IGSF3: variants seen among roughly 807,000 people sequenced by gnomAD.
The protein encoded by IGSF3 is immunoglobulin superfamily member 3, also known as glu-Trp-Ile EWI motif-containing protein 3.
IGSF3 carries 23 observed loss-of-function variants against 114.4 expected under a neutral mutation model. The observed-to-expected ratio is 0.20, with a 90% confidence interval of 0.14 to 0.28. The LOEUF (loss-of-function observed/expected upper bound fraction) is 0.28. Ranked by LOEUF, IGSF3 falls within the 10% of genes least tolerant of loss-of-function variation. IGSF3 has a pLI of 1.00. For missense variants in IGSF3, 1,172 were observed against 1,591.5 expected (o/e 0.74, Z 4.48); for synonymous variants, 571 against 645.2 (o/e 0.88, Z 1.74).
At position 116,601,232 on chromosome 1, in the gene IGSF3, G is replaced by A. The variant is rs868298794; in HGVS notation, c.1625-887C>T. 8.5e-5 allele frequency among the ~76,000 whole-genome samples: 13 copies of A among 152,290 alleles called. 1 individual carries two copies. Among genetic ancestry groups the A allele is most frequent in the Middle Eastern group, 6.8e-3 (2 of 294 alleles). On this transcript the variant is annotated intron_variant, in intron 6 of 10. Coordinates refer to ENST00000369486, the MANE Select transcript of IGSF3 (RefSeq NM_001007237.3). ...GATGTAGAAACTGATGCAGAGAGAG[G>A]TTAGATAAATTGCCCAATATCAAGC... is the stretch of plus-strand genomic sequence containing the variant.
chr1:116,581,320 C>CTTTTTTTT (rs955415319), intron 9 of IGSF3, among the ~76,000 whole-genome samples: 3 of 70,590 alleles, frequency 4.2e-5, no homozygotes, highest in East Asian at 4.8e-4. Flanking sequence ...GTTTTGCTGT[C>CTTTTTTTT]TTTTTTTTTT....
At position 116,576,239 on chromosome 1, in the gene IGSF3, G is replaced by A. The variant is rs72697339; in HGVS notation, c.*1073C>T. On this transcript the variant is annotated 3_prime_UTR_variant, in exon 11 of 11. Coordinates refer to ENST00000369486, the MANE Select transcript of IGSF3 (RefSeq NM_001007237.3). The surrounding 1 kb of genome is among the most constrained non-coding windows in gnomAD (Gnocchi z 4.6). ...AGTGTCAGCCAGCCCCGTGCCCTCC[G>A]TCAGGTGTCTGCCATGGCTGCTTTG... is the stretch of plus-strand genomic sequence containing the variant. The A allele has an allele frequency of 7.6e-3, 1,125 of 147,172 alleles. 8 individuals are homozygous for A. Among genetic ancestry groups the A allele is most frequent in the Non-Finnish European group, 0.012 (794 of 66,778 alleles). The allele number at this position is 147,172 out of a possible 1,614,324, so 9.1% of individuals were successfully genotyped here.
rs12746917 is a variant in IGSF3 at position 116,625,588 on chromosome 1, G to A, written c.44-9131C>T. ...AAGGAAGAAGACGGATCAGATTTACGCTTTCGAATTATCACTCTGGTGGCA... is the reference window on the plus strand; with the variant it reads ...AAGGAAGAAGACGGATCAGATTTACACTTTCGAATTATCACTCTGGTGGCA... On this transcript the variant is annotated intron_variant, in intron 2 of 10. Coordinates refer to ENST00000369486, the MANE Select transcript of IGSF3 (RefSeq NM_001007237.3). This position sits in a 1 kb window ranked among gnomAD's most constrained non-coding sequence, Gnocchi z 4.7. Among the ~76,000 whole-genome samples, 3 of 152,218 alleles carry A rather than the reference G, an allele frequency of 2.0e-5. No homozygotes were observed. The highest frequency in any genetic ancestry group is 7.2e-5 in the African/African-American group (3 of 41,448).
chr1:116,653,493 T>C (rs1206416168), intron 2 of IGSF3, among the ~76,000 whole-genome samples: 3 of 152,140 alleles, frequency 2.0e-5, no homozygotes, highest in Non-Finnish European at 1.5e-5. Flanking sequence ...ATTCCAAATA[T>C]GGGAAATTAC....
In IGSF3 at chr1:116,624,096, C is replaced by A. The variant is rs555431992; in HGVS notation, c.44-7639G>T. Among the ~76,000 whole-genome samples the A allele has an allele frequency of 1.6e-3, 235 of 146,396 alleles. No homozygotes were observed. The highest frequency in any genetic ancestry group is 5.5e-3 in the African/African-American group (216 of 39,392). On this transcript the variant is annotated intron_variant, in intron 2 of 10. Transcript: ENST00000369486. This position sits in a 1 kb window ranked among gnomAD's most constrained non-coding sequence, Gnocchi z 4.9. Reference sequence around the variant, plus strand: ...AGAAAGACTCTATCTAAAAAAAAAACAAAAAAAAGGTCCCTGAGGATCCCT... The same window carrying A: ...AGAAAGACTCTATCTAAAAAAAAAAAAAAAAAAAGGTCCCTGAGGATCCCT...
At position 116,634,407 on chromosome 1, in the gene IGSF3, G is replaced by A. The variant is rs555805456; in HGVS notation, c.44-17950C>T. On this transcript the variant is annotated intron_variant, in intron 2 of 10. Transcript: ENST00000369486. This position sits in a 1 kb window ranked among gnomAD's most constrained non-coding sequence, Gnocchi z 4.2. The stretch of plus-strand genomic sequence containing the variant: ...CCCCACTTCTTTCCCATCCTCACTC[G>A]TTCACATCTGCCTTGGAGCACCCAC... 7.9e-5 allele frequency among the ~76,000 whole-genome samples: 12 copies of A among 151,890 alleles called. No individual in the cohort carries two copies. The highest frequency in any genetic ancestry group is 2.6e-4 in the Admixed American group (4 of 15,274).
intron 7 of IGSF3, among the ~76,000 whole-genome samples, chr1:116,591,280 C>T (rs149806099): frequency 6.6e-5 from 10 of 152,002 alleles, no homozygotes; most frequent in African/African-American, 2.2e-4. Flanking sequence ...CCCAATTCAC[C>T]GCATGCAAAT....
At chr1:116,660,625 A>G (rs1351262999) in intron 2 of IGSF3, among the ~76,000 whole-genome samples, 1 of 151,560 alleles carries the variant, frequency 6.6e-6, no homozygotes, top group Non-Finnish European at 1.5e-5. Flanking sequence ...TTACAGGCAC[A>G]CACCATCACG....
At chr1:116,667,102 C>A (rs1557891801) in intron 1 of IGSF3, 146 bp from the exon 2 acceptor site, 1 of 366,402 alleles carries the variant, frequency 2.7e-6, no homozygotes, top group Middle Eastern at 7.0e-4. Context: ...AAGTCTCTGT[C>A]TTTCCCTCCG....
chr1:116,641,267 G>T (rs1648084353), intron 2 of IGSF3, among the ~76,000 whole-genome samples: 1 of 152,118 alleles, frequency 6.6e-6, no homozygotes. Flanking sequence ...GAAGGCCATG[G>T]CAGAGGATCA....
In IGSF3 at chr1:116,593,314, A is replaced by C. The variant is rs1660200499; in HGVS notation, c.2030-4210T>G. On this transcript the variant is annotated intron_variant, in intron 7 of 10. Transcript: ENST00000369486. The surrounding 1 kb of genome is among the most constrained non-coding windows in gnomAD (Gnocchi z 4.5). ...CGTGCTGCTGAGGTGGTTGCCGGTA[A>C]GTCTGGAGAAGGTGGTTTCTGTGCA... is the stretch of plus-strand genomic sequence containing the variant. Among the ~76,000 whole-genome samples the C allele has an allele frequency of 6.6e-6, 1 of 152,238 alleles. No homozygotes were observed. Among genetic ancestry groups the C allele is most frequent in the African/African-American group, 2.4e-5 (1 of 41,458 alleles).
In IGSF3 at chr1:116,654,972, C is replaced by G. The variant is rs1180768833; in HGVS notation, c.43+11312G>C. ...GGCACCGGGCATTGGTAACTCATGG[C>G]TGTAAAGGAGAGCTGAGAACAAAAC... On this transcript the variant is annotated intron_variant, in intron 2 of 10. Transcript: ENST00000369486. This position sits in a 1 kb window ranked among gnomAD's most constrained non-coding sequence, Gnocchi z 4.4. 6.6e-6 allele frequency among the ~76,000 whole-genome samples: 1 copy of G among 151,960 alleles called. No homozygotes were observed. Among genetic ancestry groups the G allele is most frequent in the African/African-American group, 2.4e-5 (1 of 41,354 alleles).
At chr1:116,601,471 T>C (rs972379603) in intron 6 of IGSF3, among the ~76,000 whole-genome samples, 1 of 152,194 alleles carries the variant, frequency 6.6e-6, no homozygotes, top group African/African-American at 2.4e-5. Flanking sequence ...AATGAGTCTC[T>C]GTGAAGATTA....
At chr1:116,637,662 G>A (rs1400760073) in intron 2 of IGSF3, among the ~76,000 whole-genome samples, 1 of 152,086 alleles carries the variant, frequency 6.6e-6, no homozygotes, top group Non-Finnish European at 1.5e-5. Flanking sequence ...TCCTTCCCAC[G>A]GCCTCCCCCT....
rs888292404 is a variant in IGSF3 at position 116,596,212 on chromosome 1, T to G, written c.2029+3729A>C. Among the ~76,000 whole-genome samples the G allele has an allele frequency of 5.9e-5, 9 of 152,200 alleles. No homozygotes were observed. The highest frequency in any genetic ancestry group is 2.2e-4 in the African/African-American group (9 of 41,448). On this transcript the variant is annotated intron_variant, in intron 7 of 10. Coordinates refer to ENST00000369486, the MANE Select transcript of IGSF3 (RefSeq NM_001007237.3). This position sits in a 1 kb window ranked among gnomAD's most constrained non-coding sequence, Gnocchi z 4.1. Reference sequence around the variant, plus strand: ...AAATGATATCACAGCAGTGGAAGGCTGATGGTAAACAGACCAGCATGAGTG... The same window carrying G: ...AAATGATATCACAGCAGTGGAAGGCGGATGGTAAACAGACCAGCATGAGTG...
Position 116,651,700 on chromosome 1 carries a change from T to A in IGSF3, c.43+14584A>T, listed in dbSNP as rs918385426. Among the ~76,000 whole-genome samples, 15 of 152,290 alleles carry A rather than the reference T, an allele frequency of 9.8e-5. No individual in the cohort carries two copies. In the South Asian group the frequency reaches 2.3e-3, roughly 23 times the overall value. On this transcript the variant is annotated intron_variant, in intron 2 of 10. Coordinates refer to ENST00000369486, the MANE Select transcript of IGSF3 (RefSeq NM_001007237.3). This position sits in a 1 kb window ranked among gnomAD's most constrained non-coding sequence, Gnocchi z 4.4. The stretch of plus-strand genomic sequence containing the variant: ...TATCAAAATGGCAATAAAGCTCAAC[T>A]TAATATTTACTCTATTCCAAGCAGT...
Position 116,610,976 on chromosome 1 carries a change from A to C in IGSF3, c.833-2645T>G, listed in dbSNP as rs893487184. Among the ~76,000 whole-genome samples the C allele has an allele frequency of 6.6e-6, 1 of 152,192 alleles. No homozygotes were observed. The highest frequency in any genetic ancestry group is 2.4e-5 in the African/African-American group (1 of 41,448). On this transcript the variant is annotated intron_variant, in intron 4 of 10. Coordinates refer to ENST00000369486, the MANE Select transcript of IGSF3 (RefSeq NM_001007237.3). This position sits in a 1 kb window ranked among gnomAD's most constrained non-coding sequence, Gnocchi z 4.3. ...CTCATTATTGTTCCTTCCCTCCCAC[A>C]GTTCAAGGAACCCCCAGAGCCCCAG...
At chr1:116,587,797 A>C (rs1397477975) in intron 8 of IGSF3, among the ~76,000 whole-genome samples, 3 of 152,202 alleles carry the variant, frequency 2.0e-5, no homozygotes, top group Admixed American at 1.3e-4. Flanking sequence ...GCACAAGCGA[A>C]GGCACGGAGA....
rs1339635294 is a variant in IGSF3, at chr1:116,593,783, C to T, written c.2030-4679G>A. Among the ~76,000 whole-genome samples the T allele has an allele frequency of 5.3e-5, 8 of 152,204 alleles. No individual in the cohort carries two copies. The highest frequency in any genetic ancestry group is 1.9e-4 in the African/African-American group (8 of 41,458). On this transcript the variant is annotated intron_variant, in intron 7 of 10. Transcript: ENST00000369486. This position sits in a 1 kb window ranked among gnomAD's most constrained non-coding sequence, Gnocchi z 4.5. ...TGCCCACGGCTGCCCACCCCACAGC[C>T]CGTGACAGCAGTTCTCAATAAGGCA... is the stretch of plus-strand genomic sequence containing the variant.
Sources: allele counts gnomAD v4.1 joint callset (sites outside exome capture counted in the v4.1 genomes callset), GRCh38; gene constraint gnomAD v4.1.1; non-coding constraint Gnocchi (gnomAD v3.1); transcripts MANE v1.5; gene names NCBI Gene and HGNC (gene_info 2026-07-23, HGNC 2026-07-21).